Variants in RIMBP2 observed in about 807,000 individuals in gnomAD.
The protein encoded by RIMBP2 is RIMS binding protein 2, also known as RIMS-binding protein 2.
Under a neutral mutation model 118.6 loss-of-function variants are expected in RIMBP2, and 48 were observed. The observed-to-expected ratio is 0.40, with a 90% CI of 0.32 to 0.51. The LOEUF (loss-of-function observed/expected upper bound fraction) is 0.51, where lower values mean the gene tolerates loss of function less well. RIMBP2 is among the 20% of genes least tolerant of loss of function. The pLI is 0.41. For synonymous variants in RIMBP2, 762 were observed against 742.9 expected, an observed-to-expected ratio of 1.03 and a Z score of -0.42; for missense variants, 1,551 against 1,768.3, an observed-to-expected ratio of 0.88 and a Z score of 2.20.
rs1181115300 is a variant in RIMBP2 at position 130,431,056 on chromosome 12, C to G, written c.2254-2719G>C. On this transcript the variant is annotated intron_variant, in intron 14 of 22. Coordinates refer to ENST00000690449, the MANE Select transcript of RIMBP2 (RefSeq NM_001393629.1). The surrounding 1 kb of genome is among the most constrained non-coding windows in gnomAD (Gnocchi z 4.0). The stretch of plus-strand genomic sequence containing the variant: ...TAACTAAAGATATTATTTATTGGTA[C>G]AGTGAGCATTTCTCATTGTGGACTT... 2.6e-5 allele frequency among the ~76,000 whole-genome samples: 4 copies of G among 152,140 alleles called. No homozygotes were observed. Among genetic ancestry groups the G allele is most frequent in the Non-Finnish European group, 4.4e-5 (3 of 68,036 alleles).
At chr12:130,658,546 T>C (rs978805726) in intron 1 of RIMBP2, 1 of 152,176 alleles carries the variant, frequency 6.6e-6, no homozygotes, top group African/African-American at 2.4e-5. Flanking sequence ...ACTGAGTAAA[T>C]TGACAAAAGG....
intron 10 of RIMBP2, among the ~76,000 whole-genome samples, chr12:130,443,246 CAAAA>C (rs59960598): frequency 8.7e-6 from 1 of 115,188 alleles, no homozygotes. Context: ...AGTTGTGTGG[CAAAA>C]AAAAAAAAAA....
chr12:130,442,427 T>G lies in RIMBP2; in HGVS notation c.925A>C (p.Ile309Leu). ...AGTLDVNIDD[I>L]GEDIVPYPRK... is the part of the protein sequence containing the mutation. Reference sequence around the variant, plus strand: ...GGGTAAGGCACGATGTCTTCTCCGATGTCGTCGATGTTCACGTCCAGGGTC... The same window carrying G: ...GGGTAAGGCACGATGTCTTCTCCGAGGTCGTCGATGTTCACGTCCAGGGTC... The change falls in exon 11 of 23, where the codon ATC becomes CTC. Residue 309 changes from isoleucine (I) to leucine (L), a missense_variant. Ile to Leu is a conservative substitution (Grantham distance 5, BLOSUM62 2). Transcript: ENST00000690449. The surrounding 1 kb of genome is among the most constrained non-coding windows in gnomAD (Gnocchi z 6.9). 2 of 1,614,164 alleles carry G rather than the reference T, an allele frequency of 1.2e-6. No individual in the cohort carries two copies. Among genetic ancestry groups the G allele is most frequent in the Non-Finnish European group, 1.7e-6 (2 of 1,180,022 alleles).
Position 130,424,380 on chromosome 12 carries a change from A to G in RIMBP2, c.2891T>C (p.Leu964Pro). ...PRPLLARRRT[L>P]TRQSSVEEDF... ...CTCCTCCACGCTGCTCTGCCGGGTC[A>G]GCGTCCGCCGCCGGGCCAGCAGCGG... is the stretch of plus-strand genomic sequence containing the variant. The change falls in exon 16 of 23, where the codon CTG (leucine) becomes CCG (proline). Residue 964 changes from leucine to proline, a missense_variant. Transcript: ENST00000690449. This position sits in a 1 kb window ranked among gnomAD's most constrained non-coding sequence, Gnocchi z 9.8. The G allele has an allele frequency of 8.1e-7, 1 of 1,232,582 alleles. No individual in the cohort carries two copies. The highest frequency in any genetic ancestry group is 1.0e-6 in the Non-Finnish European group (1 of 988,122). 76.4% of individuals were successfully genotyped at this position (1,232,582 alleles called of 1,614,324 possible).
chr12:130,537,920 C>A (rs180889105), intron 2 of RIMBP2, among the ~76,000 whole-genome samples: 6 of 152,184 alleles, frequency 3.9e-5, no homozygotes, highest in Non-Finnish European at 7.3e-5. Flanking sequence ...TAATTATAAG[C>A]ACACTTGCTC....
intron 2 of RIMBP2, among the ~76,000 whole-genome samples, chr12:130,570,231 C>T (rs1254737171): frequency 6.6e-6 from 1 of 152,002 alleles, no homozygotes; most frequent in Non-Finnish European, 1.5e-5. Flanking sequence ...TGAGATGAGC[C>T]TGCGCAACAT....
chr12:130,632,598 C>T (rs1034913122), intron 1 of RIMBP2, among the ~76,000 whole-genome samples: 2 of 152,126 alleles, frequency 1.3e-5, no homozygotes, highest in African/African-American at 2.4e-5. Flanking sequence ...GTCCTCGGCT[C>T]GGCCTACTCC....
intron 3 of RIMBP2, among the ~76,000 whole-genome samples, chr12:130,514,173 T>C (rs901823705): frequency 1.3e-5 from 2 of 152,240 alleles, no homozygotes; most frequent in Non-Finnish European, 2.9e-5. Flanking sequence ...GTGCCCCTGC[T>C]GCCTCTCTCA....
At chr12:130,534,515 G>A (rs1418233497) in intron 2 of RIMBP2, among the ~76,000 whole-genome samples, 2 of 152,196 alleles carry the variant, frequency 1.3e-5, no homozygotes, top group African/African-American at 4.8e-5. Context: ...ATATATCCAT[G>A]TAGCAAAACT....
chr12:130,448,413 C>T (rs1470840122), intron 9 of RIMBP2, among the ~76,000 whole-genome samples: 3 of 152,210 alleles, frequency 2.0e-5, no homozygotes, highest in African/African-American at 7.2e-5. Flanking sequence ...GTGGCAGCCT[C>T]GCTGGACCAG....
In RIMBP2 at chr12:130,622,542, G is replaced by A. The variant is rs921019216; in HGVS notation, c.-217+5780C>T. Among the ~76,000 whole-genome samples the A allele has an allele frequency of 2.0e-5, 3 of 151,880 alleles. No homozygotes were observed. Among genetic ancestry groups the A allele is most frequent in the Non-Finnish European group, 4.4e-5 (3 of 67,996 alleles). ...GGAGTCTCACTTTGTTGCCCAGGGT[G>A]GTCCCAAACTCCTGGACTCAAGCGA... is the stretch of plus-strand genomic sequence containing the variant. On this transcript the variant is annotated intron_variant, in intron 2 of 22. Transcript: ENST00000690449. The surrounding 1 kb of genome is among the most constrained non-coding windows in gnomAD (Gnocchi z 8.5).
At chr12:130,520,672 C>CA (rs1162018669) in intron 2 of RIMBP2, among the ~76,000 whole-genome samples, 16,529 of 68,568 alleles carry the variant, frequency 0.24, 2,355 homozygotes, top group East Asian at 0.54. Flanking sequence ...AACTCCATCT[C>CA]AAAAAAAAAA....
At chr12:130,687,258 G>T (rs561392643) in intron 1 of RIMBP2, among the ~76,000 whole-genome samples, 50 of 152,266 alleles carry the variant, frequency 3.3e-4, no homozygotes, top group Middle Eastern at 3.4e-3. Flanking sequence ...TGTGAGTATC[G>T]CTGTCTATAA....
At chr12:130,432,327 T>C (rs759218288) in intron 14 of RIMBP2, 6 of 456,410 alleles carry the variant, frequency 1.3e-5, no homozygotes, top group Middle Eastern at 3.2e-4. Flanking sequence ...TTTCCCTGTA[T>C]ACATAAAATA....
rs533800424 is a variant in RIMBP2, at chr12:130,663,069, C to T, written c.-351-34613G>A. Among the ~76,000 whole-genome samples the T allele has an allele frequency of 1.6e-3, 237 of 152,272 alleles. 2 individuals are homozygous for T. The highest frequency in any genetic ancestry group is 4.4e-3 in the African/African-American group (181 of 41,542). On this transcript the variant is annotated intron_variant, in intron 1 of 22. Coordinates refer to ENST00000690449, the MANE Select transcript of RIMBP2 (RefSeq NM_001393629.1). ...AACCATCCCAGGTGGTTCCCACGTG[C>T]GGCCAAGTTTGGCTCTAACACCTTC...
chr12:130,664,431 G>A lies in RIMBP2; in HGVS notation c.-351-35975C>T, dbSNP rs75094818. On this transcript the variant is annotated intron_variant, in intron 1 of 22. Coordinates refer to ENST00000690449, the MANE Select transcript of RIMBP2 (RefSeq NM_001393629.1). ...CGCACGCACACACACGCACACACAT[G>A]CATGCACGCACACACGCACACACAT... 1.4e-3 allele frequency among the ~76,000 whole-genome samples: 57 copies of A among 39,860 alleles called. 3 individuals are homozygous for A. The highest frequency in any genetic ancestry group is 2.4e-3 in the African/African-American group (40 of 16,814). The allele number at this position is 39,860 out of a possible 152,430, so 26.1% of individuals were successfully genotyped here. A position where few individuals can be genotyped will look rare whatever the true frequency, so the allele number is the denominator to read the frequency against.
At chr12:130,665,149 C>T (rs1157327921) in intron 1 of RIMBP2, among the ~76,000 whole-genome samples, 1 of 151,704 alleles carries the variant, frequency 6.6e-6, no homozygotes, top group Non-Finnish European at 1.5e-5. Flanking sequence ...AGCAATTCAA[C>T]CATGTGATCA....
At chr12:130,493,756 T>C (rs888909113) in intron 4 of RIMBP2, among the ~76,000 whole-genome samples, 4 of 152,238 alleles carry the variant, frequency 2.6e-5, no homozygotes, top group African/African-American at 9.6e-5. Flanking sequence ...CCAAGTGGAA[T>C]TCTTACATGC....
At chr12:130,579,501 G>A (rs554374786) in intron 2 of RIMBP2, among the ~76,000 whole-genome samples, 2 of 152,226 alleles carry the variant, frequency 1.3e-5, no homozygotes, top group South Asian at 4.1e-4. Flanking sequence ...TCTGGACCTG[G>A]CCCCATGCTC....
Sources: allele counts gnomAD v4.1 joint callset (sites outside exome capture counted in the v4.1 genomes callset), GRCh38; gene constraint gnomAD v4.1.1; non-coding constraint Gnocchi (gnomAD v3.1); transcripts MANE v1.5; gene names NCBI Gene and HGNC (gene_info 2026-07-23, HGNC 2026-07-21).